The following URB1 variants were observed in gnomAD, a reference collection of about 807,000 sequenced individuals.
The protein encoded by URB1 is nucleolar pre-ribosomal-associated protein 1.
In URB1, 197 loss-of-function variants were observed where a neutral mutation model predicts 242.3. That is an observed-to-expected ratio of 0.81 (90% CI 0.72 to 0.91). URB1 has a LOEUF of 0.91. Ranked by LOEUF, URB1 falls within the 40% of genes least tolerant of loss-of-function variation. The pLI is 0.00. For missense variants in URB1, 2,721 were observed against 2,860.5 expected, an observed-to-expected ratio of 0.95 and a Z score of 1.11; for synonymous variants, 1,153 against 1,201.8, an observed-to-expected ratio of 0.96 and a Z score of 0.84.
intron 38 of URB1, 59 bp downstream of exon 38, chr21:32,316,407 G>GCC (rs2032685720): frequency 3.3e-5 from 48 of 1,455,504 alleles, no homozygotes; most frequent in Non-Finnish European, 4.4e-5. Flanking sequence ...AATCACTCCT[G>GCC]CCCCCAGGCC....
chr21:32,382,547 G>C (rs1404056066), intron 4 of URB1, among the ~76,000 whole-genome samples: 3 of 152,282 alleles, frequency 2.0e-5, no homozygotes, highest in Non-Finnish European at 4.4e-5. Context: ...GATACTGACA[G>C]AACAAGGCAG....
intron 9 of URB1, among the ~76,000 whole-genome samples, chr21:32,367,147 C>T (rs906127619): frequency 1.1e-4 from 17 of 152,166 alleles, no homozygotes; most frequent in Admixed American, 8.5e-4. Flanking sequence ...TTCCTCACAA[C>T]GCTTTGGGAT....
intron 24 of URB1, among the ~76,000 whole-genome samples, chr21:32,342,046 T>A (rs2033036300): frequency 1.7e-4 from 2 of 11,940 alleles, no homozygotes; most frequent in Non-Finnish European, 2.9e-4. Context: ...GATTTTTTTT[T>A]TTAACTTAAA....
At chr21:32,328,166 T>G (rs1325843080) in intron 30 of URB1, among the ~76,000 whole-genome samples, 1 of 152,058 alleles carries the variant, frequency 6.6e-6, no homozygotes, top group African/African-American at 2.4e-5. Context: ...AAAGCCAGAG[T>G]CTCCTTTGTC....
Position 32,346,995 on chromosome 21 carries a change from G to A in URB1, c.3829C>T (p.Gln1277Ter), listed in dbSNP as rs1427171674. 13 of 1,541,606 alleles carry A rather than the reference G, an allele frequency of 8.4e-6. No individual in the cohort carries two copies. Among genetic ancestry groups the A allele is most frequent in the Non-Finnish European group, 1.1e-5 (13 of 1,139,794 alleles). ...GTGAAGTGGCTCCGTGTCCTGCACTGGAGGTACACATGGATGAGGGGAAGG... is the reference window on the plus strand; with the variant it reads ...GTGAAGTGGCTCCGTGTCCTGCACTAGAGGTACACATGGATGAGGGGAAGG... Reference protein sequence around the residue: ...DFLPLIHVYLQCRTRSHFTRP... With the variant: ...DFLPLIHVYL The change falls in exon 22 of 39, where the codon CAG becomes TAG. Residue 1277 changes from glutamine to a stop codon, truncating the protein, a stop_gained. Transcript: ENST00000382751. LOFTEE classifies it high-confidence loss of function.
intron 25 of URB1, among the ~76,000 whole-genome samples, chr21:32,340,574 T>C (rs2033018668): frequency 6.6e-6 from 1 of 152,144 alleles, no homozygotes; most frequent in Admixed American, 6.5e-5. Context: ...GATCACACCA[T>C]TGTACTCCAG....
rs2123534517 is a variant in URB1 at position 32,314,796 on chromosome 21, A to AGGTT, written c.*121_*122insAACC. 2.7e-6 allele frequency: 4 copies of AGGTT among 1,456,646 alleles called. No homozygotes were observed. Among genetic ancestry groups the AGGTT allele is most frequent in the Non-Finnish European group, 3.7e-6 (4 of 1,071,702 alleles). 90.2% of individuals were successfully genotyped at this position (1,456,646 alleles called of 1,614,324 possible). On this transcript the variant is annotated 3_prime_UTR_variant, in exon 39 of 39. Transcript: ENST00000382751. ...CTTTTCTTGTCAAAGAACTGAGCCA[A>AGGTT]TGTACTGAACCTGTTGTTTCCCATG...
At chr21:32,391,134 G>T (rs1287425777) in intron 1 of URB1, among the ~76,000 whole-genome samples, 2 of 150,126 alleles carry the variant, frequency 1.3e-5, no homozygotes, top group African/African-American at 4.9e-5. Context: ...ACCAAACACC[G>T]CATGTTCTCA....
intron 18 of URB1, among the ~76,000 whole-genome samples, chr21:32,353,513 T>C (rs1015866456): frequency 6.6e-6 from 1 of 152,230 alleles, no homozygotes; most frequent in Admixed American, 6.5e-5. Flanking sequence ...TATTTGTTAC[T>C]GCAGCAAAGC....
Position 32,350,748 on chromosome 21 carries a change from G to C in URB1, c.2788C>G (p.Gln930Glu), listed in dbSNP as rs764283972. The change falls in exon 20 of 39, where the codon CAG (glutamine) becomes GAG (glutamate). Residue 930 changes from glutamine to glutamate, a missense_variant. By Grantham distance (29) the Gln-to-Glu change is conservative (BLOSUM62 2). Transcript: ENST00000382751. Reference protein sequence around the residue: ...SMQQVLLAAKQVLLYLRSTVE... With the variant: ...SMQQVLLAAKEVLLYLRSTVE... Reference sequence around the variant, plus strand: ...GTGCTCCGCAGGTAGAGCAACACCTGCTTGGCCGCGAGCAGGACCTGCTGC... The same window carrying C: ...GTGCTCCGCAGGTAGAGCAACACCTCCTTGGCCGCGAGCAGGACCTGCTGC... 6.4e-7 allele frequency: 1 copy of C among 1,551,528 alleles called. No homozygotes were observed. Among genetic ancestry groups the C allele is most frequent in the Non-Finnish European group, 8.7e-7 (1 of 1,147,016 alleles).
At position 32,311,681 on chromosome 21, in the gene URB1, C is replaced by T. The variant is rs1427478742; in HGVS notation, c.*3237G>A. The T allele has an allele frequency of 2.0e-5, 32 of 1,613,770 alleles. No individual in the cohort carries two copies. Among genetic ancestry groups the T allele is most frequent in the Non-Finnish European group, 2.7e-5 (32 of 1,179,924 alleles). ...CCTGCCTCCCACTCTGCTCTGTTCACAGGAACAGCCCCAAGCACCACCAAA... is the reference window on the plus strand; with the variant it reads ...CCTGCCTCCCACTCTGCTCTGTTCATAGGAACAGCCCCAAGCACCACCAAA... On this transcript the variant is annotated 3_prime_UTR_variant, in exon 39 of 39. Coordinates refer to ENST00000382751, the MANE Select transcript of URB1 (RefSeq NM_014825.3).
Position 32,332,200 on chromosome 21 carries a change from TA to T in URB1, c.4960+1116del, listed in dbSNP as rs2032901051. On this transcript the variant is annotated intron_variant, in intron 30 of 38. Coordinates refer to ENST00000382751, the MANE Select transcript of URB1 (RefSeq NM_014825.3). ...AGATCACGGGCTTAAATTTAAAGAGTAAAACTAGAAACTTTTAGATAGAAAC... is the reference window on the plus strand; with the variant it reads ...AGATCACGGGCTTAAATTTAAAGAGTAAACTAGAAACTTTTAGATAGAAAC... 7.9e-5 allele frequency among the ~76,000 whole-genome samples: 12 copies of T among 151,754 alleles called. No individual in the cohort carries two copies. In the South Asian group the frequency reaches 2.5e-3, roughly 32 times the overall value.
At chr21:32,368,338 G>GC (rs1368937734) in intron 9 of URB1, 65 bp downstream of exon 9, 1 of 1,427,984 alleles carries the variant, frequency 7.0e-7, no homozygotes, top group African/African-American at 1.4e-5. Flanking sequence ...GAAGTGCTGG[G>GC]ATTACAGGCA....
Position 32,347,013 on chromosome 21 carries a change from G to A in URB1, c.3811C>T (p.Leu1271Phe). ...LQGDLDDFLP[L>F]IHVYLQCRTR... ...CTGCACTGGAGGTACACATGGATGA[G>A]GGGAAGGAAGTCGTCCAGGTCCCCC... The change falls in exon 22 of 39, where the codon CTC becomes TTC. Residue 1271 changes from leucine to phenylalanine, a missense_variant. Leu to Phe is a conservative substitution (Grantham distance 22, BLOSUM62 0). Coordinates refer to ENST00000382751, the MANE Select transcript of URB1 (RefSeq NM_014825.3). 6.5e-7 allele frequency: 1 copy of A among 1,547,120 alleles called. No individual in the cohort carries two copies. The highest frequency in any genetic ancestry group is 1.2e-5 in the South Asian group (1 of 83,756).
intron 19 of URB1, among the ~76,000 whole-genome samples, chr21:32,352,356 T>C (rs1236208780): frequency 6.6e-6 from 1 of 152,080 alleles, no homozygotes; most frequent in Non-Finnish European, 1.5e-5. Context: ...AGGGCCATGC[T>C]AAGGTCTGCA....
chr21:32,334,626 T>C (rs1281037663), intron 28 of URB1, among the ~76,000 whole-genome samples: 2 of 152,108 alleles, frequency 1.3e-5, no homozygotes, highest in East Asian at 1.9e-4. Flanking sequence ...CTGCACAACA[T>C]CTCCATCAGG....
chr21:32,384,240 T>C, intron 3 of URB1, 73 bp downstream of exon 3: 3 of 1,488,246 alleles, frequency 2.0e-6, no homozygotes, highest in Non-Finnish European at 9.0e-7. Context: ...ACTGACCAAA[T>C]GCACCTGCGG....
At chr21:32,324,981 T>A (rs566654978) in intron 31 of URB1, among the ~76,000 whole-genome samples, 1 of 152,278 alleles carries the variant, frequency 6.6e-6, no homozygotes, top group East Asian at 1.9e-4. Context: ...TATAATTTTG[T>A]CTACACACAA....
chr21:32,387,333 CA>C (rs1200183734), intron 1 of URB1, among the ~76,000 whole-genome samples: 4 of 152,156 alleles, frequency 2.6e-5, no homozygotes, highest in African/African-American at 4.8e-5. Flanking sequence ...CTCGGAGAAT[CA>C]CTTGAATCCG....
Sources: gnomAD v4.1 joint callset for allele counts (sites outside exome capture counted in the v4.1 genomes callset) on GRCh38, gnomAD v4.1.1 for gene constraint, MANE v1.5 for transcripts, NCBI Gene and HGNC (gene_info 2026-07-23, HGNC 2026-07-21) for gene names.